AGAP1: variants seen among roughly 807,000 people sequenced by gnomAD.
AGAP1 encodes the protein ArfGAP with GTPase domain, ankyrin repeat and PH domain 1.
In AGAP1, 29 loss-of-function variants were observed where a neutral mutation model predicts 105.3. That is an observed-to-expected ratio of 0.28 (90% CI 0.21 to 0.38). AGAP1 has a LOEUF of 0.38. AGAP1 is among the 10% of genes least tolerant of loss of function. The pLI, the probability that AGAP1 is intolerant of heterozygous loss-of-function variation, is 1.00. For synonymous variants in AGAP1, 509 were observed against 485.9 expected, an observed-to-expected ratio of 1.05 and a Z score of -0.63; for missense variants, 998 against 1,165.1, an observed-to-expected ratio of 0.86 and a Z score of 2.09.
At chr2:235,682,453 C>T (rs188508415) in intron 1 of AGAP1, among the ~76,000 whole-genome samples, 1 of 152,132 alleles carries the variant, frequency 6.6e-6, no homozygotes, top group Non-Finnish European at 1.5e-5. Context: ...AGAGATTCTC[C>T]TGCCTCAGCC....
chr2:235,676,952 CTT>C (rs971724445), intron 1 of AGAP1, among the ~76,000 whole-genome samples: 1 of 152,120 alleles, frequency 6.6e-6, no homozygotes, highest in African/African-American at 2.4e-5. Flanking sequence ...AGATTATTGT[CTT>C]TTCATTATTT....
chr2:235,771,001 C>G (rs920909181), intron 6 of AGAP1, among the ~76,000 whole-genome samples: 1 of 152,138 alleles, frequency 6.6e-6, no homozygotes, highest in African/African-American at 2.4e-5. Context: ...GGAGAAGGGT[C>G]CACGTGGAGC....
chr2:235,606,242 C>G (rs1945933611), intron 1 of AGAP1, among the ~76,000 whole-genome samples: 1 of 152,164 alleles, frequency 6.6e-6, no homozygotes, highest in Non-Finnish European at 1.5e-5. Context: ...TTTTTAACCC[C>G]TTGGTGAATG....
At chr2:235,562,069 A>G (rs952829980) in intron 1 of AGAP1, among the ~76,000 whole-genome samples, 1 of 152,202 alleles carries the variant, frequency 6.6e-6, no homozygotes, top group African/African-American at 2.4e-5. Flanking sequence ...AGATTGGGGT[A>G]TGTGTAGTGT....
At chr2:236,081,455 C>T (rs1164601786) in intron 16 of AGAP1, among the ~76,000 whole-genome samples, 1 of 152,178 alleles carries the variant, frequency 6.6e-6, no homozygotes, top group Non-Finnish European at 1.5e-5. Context: ...AGTGTGTCCT[C>T]CACCCGACTG....
chr2:235,709,752 C>G (rs3820780), intron 2 of AGAP1, among the ~76,000 whole-genome samples: 3 of 151,948 alleles, frequency 2.0e-5, no homozygotes, highest in Non-Finnish European at 2.9e-5. Flanking sequence ...TTTTACGAAC[C>G]TTACCCTTTC....
At chr2:236,118,299 G>C (rs2059818874) in intron 16 of AGAP1, among the ~76,000 whole-genome samples, 1 of 152,062 alleles carries the variant, frequency 6.6e-6, no homozygotes, top group Non-Finnish European at 1.5e-5. Context: ...ATTTTGGAGA[G>C]GGCGATTGTG....
rs527577454 is a variant in AGAP1, at chr2:235,989,417, G to T, written c.1645+20794G>T. 3.3e-5 allele frequency among the ~76,000 whole-genome samples: 5 copies of T among 152,296 alleles called. No individual in the cohort carries two copies. The highest frequency in any genetic ancestry group is 2.0e-4 in the Admixed American group (3 of 15,298). Reference sequence around the variant, plus strand: ...AACAGACCAGGTGAAAACATCAGGAGGAGGGTCCGCAGCTCGATGGTGATG... The same window carrying T: ...AACAGACCAGGTGAAAACATCAGGATGAGGGTCCGCAGCTCGATGGTGATG... On this transcript the variant is annotated intron_variant, in intron 13 of 17. Transcript: ENST00000304032. This position sits in a 1 kb window ranked among gnomAD's most constrained non-coding sequence, Gnocchi z 4.4.
chr2:235,743,655 C>T (rs1056570456), intron 4 of AGAP1, among the ~76,000 whole-genome samples: 2 of 152,164 alleles, frequency 1.3e-5, no homozygotes, highest in African/African-American at 2.4e-5. Context: ...GCACTTTTCA[C>T]TTACATGCAG....
At chr2:235,796,493 C>A (rs1546630) in intron 6 of AGAP1, among the ~76,000 whole-genome samples, 11 of 151,988 alleles carry the variant, frequency 7.2e-5, no homozygotes, top group African/African-American at 2.7e-4. Flanking sequence ...ATCATCCTTT[C>A]AGGATGATAA....
chr2:235,503,341 G>A (rs752975411), intron 1 of AGAP1, among the ~76,000 whole-genome samples: 10 of 152,154 alleles, frequency 6.6e-5, no homozygotes, highest in Non-Finnish European at 1.3e-4. Context: ...GTTTTCGAAG[G>A]TCTGGGGTGC....
intron 1 of AGAP1, among the ~76,000 whole-genome samples, chr2:235,579,901 T>C (rs1944872082): frequency 6.6e-6 from 1 of 152,222 alleles, no homozygotes; most frequent in African/African-American, 2.4e-5. Flanking sequence ...TCAGCAGTCA[T>C]TGCCCATTTC....
intron 9 of AGAP1, among the ~76,000 whole-genome samples, chr2:235,810,835 T>G (rs1346041796): frequency 1.2e-5 from 1 of 82,218 alleles, no homozygotes; most frequent in Non-Finnish European, 3.0e-5. Context: ...TTCGGTTTCT[T>G]TTTTTTTTTT....
At chr2:235,850,425 G>A (rs570665811) in intron 9 of AGAP1, among the ~76,000 whole-genome samples, 30 of 152,170 alleles carry the variant, frequency 2.0e-4, no homozygotes, top group Non-Finnish European at 4.1e-4. Flanking sequence ...GGTCTCCTTG[G>A]TCCCCTTGGT....
chr2:235,614,067 C>G lies in AGAP1; in HGVS notation c.164-95112C>G, dbSNP rs1292284795. 1.3e-5 allele frequency among the ~76,000 whole-genome samples: 2 copies of G among 151,340 alleles called. No homozygotes were observed. The highest frequency in any genetic ancestry group is 4.9e-5 in the African/African-American group (2 of 41,174). ...CAAATACTCAAAAGCACTAAGTTTT[C>G]TTGCGTGGTATCTGTTCATATATTG... On this transcript the variant is annotated intron_variant, in intron 1 of 17. Coordinates refer to ENST00000304032, the MANE Select transcript of AGAP1 (RefSeq NM_001037131.3). The surrounding 1 kb of genome is among the most constrained non-coding windows in gnomAD (Gnocchi z 4.7).
intron 9 of AGAP1, among the ~76,000 whole-genome samples, chr2:235,862,648 T>G (rs1429669093): frequency 6.6e-6 from 1 of 152,258 alleles, no homozygotes; most frequent in Non-Finnish European, 1.5e-5. Flanking sequence ...CATGGCTGTT[T>G]GTCTGCATAA....
chr2:235,813,143 C>T (rs562566718), intron 9 of AGAP1, among the ~76,000 whole-genome samples: 30 of 152,316 alleles, frequency 2.0e-4, no homozygotes, highest in African/African-American at 5.3e-4. Flanking sequence ...GACAGTCATC[C>T]GTCTTTGAGT....
chr2:236,063,094 A>G (rs984913392), intron 16 of AGAP1, among the ~76,000 whole-genome samples: 8 of 151,888 alleles, frequency 5.3e-5, no homozygotes, highest in Admixed American at 1.3e-4. Flanking sequence ...CGCTGTACTC[A>G]GGACTTTTAT....
intron 16 of AGAP1, among the ~76,000 whole-genome samples, chr2:236,059,687 CA>C (rs576960503): frequency 6.6e-6 from 1 of 152,068 alleles, no homozygotes; most frequent in East Asian, 1.9e-4. Context: ...AGTTGATTTC[CA>C]AAAAAGATGC....
Sources: gnomAD v4.1 joint callset for allele counts (sites outside exome capture counted in the v4.1 genomes callset) on GRCh38, gnomAD v4.1.1 for gene constraint, Gnocchi (gnomAD v3.1) non-coding constraint, MANE v1.5 for transcripts, NCBI Gene and HGNC (gene_info 2026-07-23, HGNC 2026-07-21) for gene names.